The following CNTN5 variants were observed in gnomAD, a reference collection of about 807,000 sequenced individuals.
CNTN5 encodes the protein contactin 5, also known as contactin-5.
CNTN5 carries 77 observed loss-of-function variants against 129.1 expected under a neutral mutation model. The observed-to-expected ratio is 0.60, with a 90% CI of 0.50 to 0.72. CNTN5 has a LOEUF of 0.72. Ranked by LOEUF, CNTN5 falls within the 30% of genes least tolerant of loss-of-function variation. The pLI is 0.00. For synonymous variants in CNTN5, 509 were observed against 465.6 expected (o/e 1.09, Z -1.20); for missense variants, 1,478 against 1,328.8 (o/e 1.11, Z -1.75).
At chr11:99,506,935 T>A (rs1433338830) in intron 2 of CNTN5, among the ~76,000 whole-genome samples, 2 of 152,124 alleles carry the variant, frequency 1.3e-5, no homozygotes, top group Non-Finnish European at 2.9e-5. Context: ...TTTAAAAAAA[T>A]ATAAAAAGTT....
chr11:99,602,783 C>A (rs912496762), intron 3 of CNTN5, among the ~76,000 whole-genome samples: 3 of 149,480 alleles, frequency 2.0e-5, no homozygotes, highest in Admixed American at 6.7e-5. Context: ...CAAGTGGGTC[C>A]CTGACCCCTG....
At chr11:99,975,285 G>T (rs746256107) in intron 8 of CNTN5, among the ~76,000 whole-genome samples, 1 of 152,158 alleles carries the variant, frequency 6.6e-6, no homozygotes, top group Non-Finnish European at 1.5e-5. Flanking sequence ...GATTATTTTG[G>T]AGCTTACGTT....
intron 3 of CNTN5, among the ~76,000 whole-genome samples, chr11:99,729,901 T>G (rs116540332): frequency 0.014 from 2,093 of 151,466 alleles, 50 homozygotes; most frequent in African/African-American, 0.046. Context: ...CCTGTGGGGG[T>G]GGTGGTGGTA....
intron 1 of CNTN5, among the ~76,000 whole-genome samples, chr11:99,171,183 T>A (rs1365427359): frequency 6.6e-6 from 1 of 152,162 alleles, no homozygotes; most frequent in Non-Finnish European, 1.5e-5. Flanking sequence ...AATGCTTAAC[T>A]TTATTTAAAA....
At chr11:99,583,790 C>T (rs982954344) in intron 3 of CNTN5, among the ~76,000 whole-genome samples, 1 of 152,162 alleles carries the variant, frequency 6.6e-6, no homozygotes, top group African/African-American at 2.4e-5. Context: ...GGGGATGCCT[C>T]ACCCTGCTTT....
chr11:100,129,747 T>G (rs1353955127), intron 13 of CNTN5, among the ~76,000 whole-genome samples: 1 of 152,086 alleles, frequency 6.6e-6, no homozygotes, highest in African/African-American at 2.4e-5. Flanking sequence ...AAAATACCAG[T>G]TGTTCATATT....
chr11:99,055,361 A>T (rs1187478081), intron 1 of CNTN5, among the ~76,000 whole-genome samples: 1 of 152,056 alleles, frequency 6.6e-6, no homozygotes, highest in Non-Finnish European at 1.5e-5. Context: ...TCCAAATTTT[A>T]TGTTATTCCT....
intron 2 of CNTN5, among the ~76,000 whole-genome samples, chr11:99,462,360 C>CTTTTTTTTTTTTTTTTTTT (rs72276833): frequency 2.2e-4 from 27 of 125,284 alleles, no homozygotes; most frequent in East Asian, 1.1e-3. Context: ...CTTTTCTTTT[C>CTTTTTTTTTTTTTTTTTTT]TTTTTTTTTT....
intron 1 of CNTN5, among the ~76,000 whole-genome samples, chr11:99,286,525 T>TTAAA (rs1213132473): frequency 6.6e-6 from 1 of 152,174 alleles, no homozygotes; most frequent in Non-Finnish European, 1.5e-5. Context: ...AAAATGGTAT[T>TTAAA]TAAATAAGTC....
chr11:99,573,264 A>G (rs533869723), intron 3 of CNTN5, among the ~76,000 whole-genome samples: 2 of 152,056 alleles, frequency 1.3e-5, no homozygotes, highest in South Asian at 2.1e-4. Context: ...TCTACATGGT[A>G]GGAACGTTGT....
Position 99,630,247 on chromosome 11 carries a change from C to CAT in CNTN5, c.55+73999_55+74000dup, listed in dbSNP as rs201091704. ...GCTTATGGATGTGTGTGTGTATATA[C>CAT]ATATATATATATATATATATATGTA... is the stretch of plus-strand genomic sequence containing the variant. On this transcript the variant is annotated intron_variant, in intron 3 of 24. Coordinates refer to ENST00000524871, the MANE Select transcript of CNTN5 (RefSeq NM_014361.4). Among the ~76,000 whole-genome samples the CAT allele has an allele frequency of 2.6e-3, 389 of 151,112 alleles. 3 individuals carry two copies. The highest frequency in any genetic ancestry group is 9.0e-3 in the African/African-American group (370 of 40,942).
At chr11:99,213,242 T>C (rs1859902722) in intron 1 of CNTN5, among the ~76,000 whole-genome samples, 2 of 146,298 alleles carry the variant, frequency 1.4e-5, no homozygotes, top group African/African-American at 5.0e-5. Flanking sequence ...TTTTTTTCTA[T>C]ATGTATACAT....
chr11:100,033,968 A>G (rs539122459), intron 9 of CNTN5, among the ~76,000 whole-genome samples: 16 of 151,266 alleles, frequency 1.1e-4, no homozygotes, highest in South Asian at 4.2e-4. Flanking sequence ...TTTTTAGAAG[A>G]AAAAAAAAGA....
At chr11:99,896,446 A>G (rs1468760854) in intron 6 of CNTN5, among the ~76,000 whole-genome samples, 1 of 152,112 alleles carries the variant, frequency 6.6e-6, no homozygotes, top group African/African-American at 2.4e-5. Context: ...TACCTCCAGC[A>G]TGGGACTCCA....
intron 3 of CNTN5, among the ~76,000 whole-genome samples, chr11:99,628,639 C>G (rs936008376): frequency 6.6e-6 from 1 of 151,486 alleles, no homozygotes; most frequent in African/African-American, 2.4e-5. Flanking sequence ...CACACACACA[C>G]ACACACACAC....
chr11:99,682,955 C>T (rs1953625000), intron 3 of CNTN5, among the ~76,000 whole-genome samples: 1 of 151,816 alleles, frequency 6.6e-6, no homozygotes, highest in Admixed American at 6.6e-5. Flanking sequence ...TCAGTTGGTG[C>T]AGGGAAATAT....
intron 3 of CNTN5, among the ~76,000 whole-genome samples, chr11:99,582,698 G>A (rs1253123941): frequency 6.6e-6 from 1 of 150,896 alleles, no homozygotes; most frequent in African/African-American, 2.4e-5. Flanking sequence ...GAACTTCTCT[G>A]CATTGGTTAT....
intron 1 of CNTN5, among the ~76,000 whole-genome samples, chr11:99,061,317 G>A (rs190404131): frequency 6.6e-6 from 1 of 152,200 alleles, no homozygotes; most frequent in African/African-American, 2.4e-5. Flanking sequence ...TGCAAAGACT[G>A]AGTGTGTGGG....
At chr11:99,954,357 T>A (rs1950747297) in intron 7 of CNTN5, among the ~76,000 whole-genome samples, 1 of 48,120 alleles carries the variant, frequency 2.1e-5, no homozygotes, top group South Asian at 8.1e-4. Context: ...AACCATACTG[T>A]TAAAAAAAAA....
Sources: gnomAD v4.1 joint callset for allele counts (sites outside exome capture counted in the v4.1 genomes callset) on GRCh38, gnomAD v4.1.1 for gene constraint, MANE v1.5 for transcripts, NCBI Gene and HGNC (gene_info 2026-07-23, HGNC 2026-07-21) for gene names.